Variants in TLCD4 observed in about 807,000 individuals in gnomAD.
TLCD4 encodes TLC domain containing 4.
A neutral mutation model predicts 24.2 loss-of-function variants in TLCD4; 7 were observed. The observed-to-expected ratio is 0.29, with a 90% CI of 0.16 to 0.54. The LOEUF is 0.54. TLCD4 is among the 20% of genes least tolerant of loss of function. The probability of loss-of-function intolerance (pLI) is 0.95; values close to 1 mark genes in which losing one functional copy is unlikely to be tolerated. For missense variants in TLCD4, 259 were observed against 313.9 expected (o/e 0.82, Z 1.32); for synonymous variants, 103 against 106.4 (o/e 0.97, Z 0.20).
intron 1 of TLCD4, among the ~76,000 whole-genome samples, chr1:95,134,110 A>G (rs1413257215): frequency 6.6e-6 from 1 of 152,064 alleles, no homozygotes; most frequent in Non-Finnish European, 1.5e-5. Context: ...CGAGGCAGAA[A>G]ACGATGTATA....
the TLCD4 span, among the ~76,000 whole-genome samples, chr1:95,108,319 C>T: frequency 0.073 from 11,083 of 152,192 alleles, 545 homozygotes; most frequent in Non-Finnish European, 0.11. Flanking sequence ...GTTAGGCCTT[C>T]CCATTCCTTT....
the TLCD4 span, among the ~76,000 whole-genome samples, chr1:95,101,894 C>G: frequency 6.6e-6 from 1 of 152,000 alleles, no homozygotes; most frequent in Non-Finnish European, 1.5e-5. Context: ...GGTAGAGATG[C>G]AGGAAAATGG....
chr1:95,185,616 G>A (rs563089712), intron 6 of TLCD4, among the ~76,000 whole-genome samples: 184 of 152,276 alleles, frequency 1.2e-3, no homozygotes, highest in South Asian at 2.3e-3. Flanking sequence ...AAGACGACGA[G>A]AATGAAGACC....
At chr1:95,118,485 G>A (rs1676490862) in intron 1 of TLCD4, among the ~76,000 whole-genome samples, 1 of 152,222 alleles carries the variant, frequency 6.6e-6, no homozygotes, top group South Asian at 2.1e-4. Flanking sequence ...TTTAAAGACT[G>A]ATCTTGGATA....
chr1:95,188,939 A>G (rs1571791572), intron 6 of TLCD4, among the ~76,000 whole-genome samples: 2 of 152,296 alleles, frequency 1.3e-5, no homozygotes. Flanking sequence ...CTCCTAGCTG[A>G]CAGAACCTGG....
rs554912516 is a variant in TLCD4, at chr1:95,196,728, T to C, written c.*4860T>C. 6.6e-6 allele frequency: 1 copy of C among 152,300 alleles called. No individual in the cohort carries two copies. Among genetic ancestry groups the C allele is most frequent in the South Asian group, 2.1e-4 (1 of 4,832 alleles). The allele number at this position is 152,300 out of a possible 1,614,324, so 9.4% of individuals were successfully genotyped here. On this transcript the variant is annotated 3_prime_UTR_variant, in exon 7 of 7. Transcript: ENST00000370203. ...TGGCTGAAAACTCGTTAAACATCTT[T>C]GGATATTTTTTCTTTATATCTTTAT...
At chr1:95,105,030 TA>T in the TLCD4 span, among the ~76,000 whole-genome samples, 2 of 150,816 alleles carry the variant, frequency 1.3e-5, no homozygotes, top group African/African-American at 2.4e-5. Flanking sequence ...TCAATAACAA[TA>T]AAAAAAAATA....
chr1:95,126,048 T>C (rs1311566936), intron 1 of TLCD4, among the ~76,000 whole-genome samples: 1 of 151,078 alleles, frequency 6.6e-6, no homozygotes, highest in Non-Finnish European at 1.5e-5. Context: ...TCCTAGCACT[T>C]TGGGAGTCTG....
chr1:95,130,707 G>A (rs1676866809), intron 1 of TLCD4, among the ~76,000 whole-genome samples: 1 of 152,172 alleles, frequency 6.6e-6, no homozygotes, highest in East Asian at 1.9e-4. Flanking sequence ...ACATCCTAGA[G>A]TGTTAGGACT....
In TLCD4 at chr1:95,120,757, T is replaced by C. The variant is rs533505532; in HGVS notation, c.-12+3140T>C. Among the ~76,000 whole-genome samples the C allele has an allele frequency of 1.2e-4, 18 of 152,324 alleles. No homozygotes were observed. The South Asian group carries it at 1.7e-3, about 14-fold the overall frequency. On this transcript the variant is annotated intron_variant, in intron 1 of 6. Coordinates refer to ENST00000370203, the MANE Select transcript of TLCD4 (RefSeq NM_152487.3). ...ACTACAACAGTACAAAATGCATTTT[T>C]ACACTGAGACCCAGGGCATAGCAAG... is the stretch of plus-strand genomic sequence containing the variant.
At chr1:95,165,208 C>T (rs6593594) in intron 5 of TLCD4, 60,788 of 151,948 alleles carry the variant, frequency 0.4, 13,538 homozygotes, top group East Asian at 0.62. Context: ...CCTAAGAAAG[C>T]GAAGGAGGTA....
chr1:95,191,465 A>G, intron 6 of TLCD4, 85 bp from the exon 7 acceptor site: 1 of 1,489,324 alleles, frequency 6.7e-7, no homozygotes, highest in Non-Finnish European at 8.9e-7. Flanking sequence ...CCTTCACTGA[A>G]TTTTAAAATT....
At chr1:95,131,988 A>C (rs1178772961) in intron 1 of TLCD4, among the ~76,000 whole-genome samples, 2 of 152,104 alleles carry the variant, frequency 1.3e-5, no homozygotes, top group Non-Finnish European at 2.9e-5. Flanking sequence ...GGTTATTATA[A>C]AGCTGGGACG....
intron 1 of TLCD4, among the ~76,000 whole-genome samples, chr1:95,122,566 A>G (rs1408184709): frequency 6.6e-6 from 1 of 151,962 alleles, no homozygotes; most frequent in Non-Finnish European, 1.5e-5. Context: ...TATTTATCTA[A>G]TGCTTTCAAC....
chr1:95,173,901 A>G lies in TLCD4; in HGVS notation c.473+12A>G, dbSNP rs369328165. The G allele has an allele frequency of 1.8e-5, 29 of 1,613,608 alleles. No homozygotes were observed. The African/African-American group carries it at 3.5e-4, about 19-fold the overall frequency. ...TTTGTGAATCAGCGGTATGTTACTG[A>G]TATCATTGATTATTTTAAAGTCATG... is the stretch of plus-strand genomic sequence containing the variant. On this transcript the variant is annotated intron_variant, in intron 6 of 6. Transcript: ENST00000370203.
chr1:95,125,718 AAAC>A (rs1676714755), intron 1 of TLCD4: 1 of 152,246 alleles, frequency 6.6e-6, no homozygotes, highest in African/African-American at 2.4e-5. Flanking sequence ...TCATAGGTAT[AAAC>A]AAGCTGCAGG....
At chr1:95,133,057 GGAGA>G (rs113934267) in intron 1 of TLCD4, among the ~76,000 whole-genome samples, 40 of 152,010 alleles carry the variant, frequency 2.6e-4, no homozygotes, top group Non-Finnish European at 3.8e-4. Flanking sequence ...GTAAAGGAGT[GGAGA>G]GAGAGAGAGC....
intron 6 of TLCD4, among the ~76,000 whole-genome samples, chr1:95,189,748 T>C (rs137964796): frequency 1.3e-3 from 192 of 152,364 alleles, no homozygotes; most frequent in African/African-American, 4.1e-3. Context: ...AGTATTCCAA[T>C]GTATGGATGT....
intron 6 of TLCD4, among the ~76,000 whole-genome samples, chr1:95,180,561 G>C (rs993220866): frequency 6.6e-6 from 1 of 152,138 alleles, no homozygotes; most frequent in Non-Finnish European, 1.5e-5. Flanking sequence ...ACATGTGCTG[G>C]GGTACAGAGT....
Sources: gnomAD v4.1 joint callset for allele counts (sites outside exome capture counted in the v4.1 genomes callset) on GRCh38, gnomAD v4.1.1 for gene constraint, MANE v1.5 for transcripts, NCBI Gene and HGNC (gene_info 2026-07-23, HGNC 2026-07-21) for gene names.